The following BACH2 variants were observed in gnomAD, a reference collection of about 807,000 sequenced individuals.
The protein encoded by BACH2 is transcription regulator protein BACH2.
A neutral mutation model predicts 61.8 loss-of-function variants in BACH2; 5 were observed. The observed-to-expected ratio is 0.08, with a 90% CI of 0.04 to 0.17. The LOEUF is 0.17. BACH2 is among the 10% of genes least tolerant of loss of function. The pLI, the probability that BACH2 is intolerant of heterozygous loss-of-function variation, is 1.00. For missense variants in BACH2, 824 were observed against 1,091.1 expected (o/e 0.76, Z 3.45); for synonymous variants, 446 against 440.1 (o/e 1.01, Z -0.17).
At chr6:90,195,025 A>C (rs1384274331) in intron 4 of BACH2, among the ~76,000 whole-genome samples, 1 of 152,236 alleles carries the variant, frequency 6.6e-6, no homozygotes, top group Non-Finnish European at 1.5e-5. Context: ...ATGAAATCTA[A>C]AAGAAGAGGG....
intron 8 of BACH2, among the ~76,000 whole-genome samples, chr6:89,935,526 T>G (rs1199742135): frequency 6.6e-6 from 1 of 152,188 alleles, no homozygotes; most frequent in Non-Finnish European, 1.5e-5. Flanking sequence ...AATCATGCCT[T>G]GGTTAAAACC....
At chr6:90,138,417 C>T (rs569688546) in intron 4 of BACH2, among the ~76,000 whole-genome samples, 17 of 152,180 alleles carry the variant, frequency 1.1e-4, no homozygotes, top group Non-Finnish European at 1.5e-4. Context: ...GCAGAAGAAT[C>T]GCCTGTGGGA....
intron 4 of BACH2, among the ~76,000 whole-genome samples, chr6:90,112,687 CCA>C (rs760673858): frequency 5.3e-5 from 8 of 152,162 alleles, no homozygotes; most frequent in Non-Finnish European, 1.2e-4. Context: ...TGCAAAGCAA[CCA>C]CACAAACAAG....
intron 5 of BACH2, among the ~76,000 whole-genome samples, chr6:90,022,386 C>A (rs1778424435): frequency 6.6e-6 from 1 of 152,130 alleles, no homozygotes; most frequent in Admixed American, 6.5e-5. Flanking sequence ...GAGTTGGAGA[C>A]CAGCCTGGTC....
At chr6:90,208,906 A>T (rs1769243925) in intron 3 of BACH2, among the ~76,000 whole-genome samples, 1 of 152,132 alleles carries the variant, frequency 6.6e-6, no homozygotes, top group Non-Finnish European at 1.5e-5. Flanking sequence ...CTTTGCAGGG[A>T]TATGGAGGAA....
At chr6:90,272,910 T>C (rs946589263) in intron 1 of BACH2, among the ~76,000 whole-genome samples, 1 of 152,160 alleles carries the variant, frequency 6.6e-6, no homozygotes, top group African/African-American at 2.4e-5. Context: ...CCCCAGCAAT[T>C]TGAGAATCCT....
chr6:90,091,282 C>T (rs1030749808), intron 4 of BACH2, among the ~76,000 whole-genome samples: 8 of 152,064 alleles, frequency 5.3e-5, no homozygotes, highest in African/African-American at 1.9e-4. Context: ...ATAGTAAACC[C>T]TTTGAAAGTC....
intron 3 of BACH2, among the ~76,000 whole-genome samples, chr6:90,244,189 T>C (rs1770553575): frequency 6.6e-6 from 1 of 152,222 alleles, no homozygotes; most frequent in Admixed American, 6.5e-5. Context: ...CCCAAAGTGC[T>C]GGGATTACAG....
intron 5 of BACH2, among the ~76,000 whole-genome samples, chr6:90,066,123 C>A (rs1280190698): frequency 6.6e-6 from 1 of 152,138 alleles, no homozygotes; most frequent in Non-Finnish European, 1.5e-5. Context: ...TCTAGGTTCC[C>A]AGAGTCCAGT....
chr6:90,133,454 A>G (rs1407060779), intron 4 of BACH2, among the ~76,000 whole-genome samples: 1 of 152,258 alleles, frequency 6.6e-6, no homozygotes, highest in Non-Finnish European at 1.5e-5. Context: ...TTGAGATATA[A>G]TTCAGTATGT....
intron 5 of BACH2, among the ~76,000 whole-genome samples, chr6:90,035,449 T>C (rs933117276): frequency 6.6e-6 from 1 of 152,324 alleles, no homozygotes; most frequent in South Asian, 2.1e-4. Context: ...TTCTTCTCGC[T>C]ATTTTTAGAG....
At chr6:90,128,790 T>C (rs1446262642) in intron 4 of BACH2, among the ~76,000 whole-genome samples, 2 of 152,186 alleles carry the variant, frequency 1.3e-5, no homozygotes, top group Non-Finnish European at 2.9e-5. Flanking sequence ...CTACTCACAA[T>C]AGCAAAGACT....
At chr6:90,002,567 C>T (rs1208443170) in intron 6 of BACH2, among the ~76,000 whole-genome samples, 1 of 152,116 alleles carries the variant, frequency 6.6e-6, no homozygotes, top group African/African-American at 2.4e-5. Context: ...GTCAGGAGTT[C>T]GAGACCAGCC....
Position 90,210,185 on chromosome 6 carries a change from T to G in BACH2, c.-274-3504A>C, listed in dbSNP as rs189478814. On this transcript the variant is annotated intron_variant, in intron 3 of 8. Coordinates refer to ENST00000257749, the MANE Select transcript of BACH2 (RefSeq NM_021813.4). ...ACCAGACACAGAGAGGTAAAAGAATTTTTCCTGGTTCTTGCTATAATAAGC... is the reference window on the plus strand; with the variant it reads ...ACCAGACACAGAGAGGTAAAAGAATGTTTCCTGGTTCTTGCTATAATAAGC... Among the ~76,000 whole-genome samples, 6 of 152,272 alleles carry G rather than the reference T, an allele frequency of 3.9e-5. No individual in the cohort carries two copies. The East Asian group carries it at 1.2e-3, about 29-fold the overall frequency.
At chr6:90,226,924 A>G (rs1342718757) in intron 3 of BACH2, among the ~76,000 whole-genome samples, 1 of 152,230 alleles carries the variant, frequency 6.6e-6, no homozygotes, top group Non-Finnish European at 1.5e-5. Flanking sequence ...TGCACTCTCA[A>G]AAAGTATGCA....
At chr6:90,127,216 G>C (rs1783888316) in intron 4 of BACH2, among the ~76,000 whole-genome samples, 1 of 152,230 alleles carries the variant, frequency 6.6e-6, no homozygotes, top group African/African-American at 2.4e-5. Context: ...GCTCCAAAGA[G>C]AGACTGTGAA....
intron 6 of BACH2, among the ~76,000 whole-genome samples, chr6:89,956,051 A>T (rs1774408681): frequency 6.6e-6 from 1 of 152,226 alleles, no homozygotes; most frequent in Non-Finnish European, 1.5e-5. Context: ...ACCCATCTAG[A>T]CTAAAATCCA....
chr6:90,058,831 C>T (rs1290900927), intron 5 of BACH2, among the ~76,000 whole-genome samples: 1 of 152,194 alleles, frequency 6.6e-6, no homozygotes, highest in Non-Finnish European at 1.5e-5. Flanking sequence ...ATATCTACAA[C>T]TATCTGATCT....
intron 5 of BACH2, among the ~76,000 whole-genome samples, chr6:90,057,701 T>C (rs1562407934): frequency 6.6e-6 from 1 of 152,200 alleles, no homozygotes; most frequent in African/African-American, 2.4e-5. Flanking sequence ...ATATCCTTGA[T>C]GAACATTGAT....
Sources: gnomAD v4.1 joint callset for allele counts (sites outside exome capture counted in the v4.1 genomes callset) on GRCh38, gnomAD v4.1.1 for gene constraint, MANE v1.5 for transcripts, NCBI Gene and HGNC (gene_info 2026-07-23, HGNC 2026-07-21) for gene names.